The following CYRIA variants were observed in gnomAD, a reference collection of about 807,000 sequenced individuals.
CYRIA encodes CYFIP-related Rac1 interactor A.
A neutral mutation model predicts 43.9 loss-of-function variants in CYRIA; 15 were observed. That is an observed-to-expected ratio of 0.34 (90% confidence interval 0.23 to 0.53). The LOEUF (loss-of-function observed/expected upper bound fraction) is 0.53, where lower values mean the gene tolerates loss of function less well. CYRIA is among the 20% of genes least tolerant of loss of function. CYRIA has a pLI of 0.94. For missense variants in CYRIA, 236 were observed against 394.2 expected (o/e 0.60, Z 3.40); for synonymous variants, 117 against 136.0 (o/e 0.86, Z 0.97).
intron 1 of CYRIA, among the ~76,000 whole-genome samples, chr2:16,651,247 G>A (rs1171767947): frequency 6.6e-6 from 1 of 152,158 alleles, no homozygotes; most frequent in Non-Finnish European, 1.5e-5. Context: ...CACAGATGCT[G>A]TTTTCAAGCC....
intron 3 of CYRIA, among the ~76,000 whole-genome samples, chr2:16,571,471 C>T (rs1448984462): frequency 6.6e-6 from 1 of 152,204 alleles, no homozygotes; most frequent in Admixed American, 6.5e-5. Flanking sequence ...GCTATCAAAT[C>T]CATGTATTCT....
At chr2:16,647,807 G>T (rs892107971) in intron 1 of CYRIA, among the ~76,000 whole-genome samples, 5 of 152,192 alleles carry the variant, frequency 3.3e-5, no homozygotes, top group Non-Finnish European at 7.3e-5. Context: ...TCTTCCAGGT[G>T]TCTGCTAATC....
intron 2 of CYRIA, among the ~76,000 whole-genome samples, chr2:16,618,675 T>TA (rs772066511): frequency 1.6e-4 from 24 of 152,282 alleles, no homozygotes; most frequent in Non-Finnish European, 3.2e-4. Context: ...GAGGCATGGT[T>TA]AGGTTTAGAG....
chr2:16,603,198 T>A (rs1668268806), intron 2 of CYRIA, among the ~76,000 whole-genome samples: 1 of 152,136 alleles, frequency 6.6e-6, no homozygotes, highest in African/African-American at 2.4e-5. Flanking sequence ...GCCCTGCACA[T>A]CCCATCCCTA....
At chr2:16,570,639 G>A (rs1667096578) in intron 3 of CYRIA, among the ~76,000 whole-genome samples, 1 of 152,146 alleles carries the variant, frequency 6.6e-6, no homozygotes, top group African/African-American at 2.4e-5. Flanking sequence ...TGATTGAAAA[G>A]GTTACTAAAT....
chr2:16,586,218 A>G (rs1449373650), intron 3 of CYRIA, among the ~76,000 whole-genome samples: 2 of 152,132 alleles, frequency 1.3e-5, no homozygotes, highest in Non-Finnish European at 2.9e-5. Context: ...CGTTACCACT[A>G]TTTTGGCCTT....
intron 9 of CYRIA, 64 bp downstream of exon 9, chr2:16,560,926 A>T: frequency 7.2e-7 from 1 of 1,392,068 alleles, no homozygotes; most frequent in Non-Finnish European, 1.0e-6. Context: ...CATTAACATC[A>T]TCATCTTAAC....
At chr2:16,575,319 G>T (rs1237855399) in intron 3 of CYRIA, among the ~76,000 whole-genome samples, 1 of 152,154 alleles carries the variant, frequency 6.6e-6, no homozygotes, top group Non-Finnish European at 1.5e-5. Context: ...ATGCTGAAAT[G>T]AGTTAAGACT....
chr2:16,648,381 G>C (rs1435119270), intron 1 of CYRIA, among the ~76,000 whole-genome samples: 1 of 149,386 alleles, frequency 6.7e-6, no homozygotes, highest in Admixed American at 6.6e-5. Flanking sequence ...CAGCCCCAAA[G>C]AAAGACACAA....
intron 3 of CYRIA, among the ~76,000 whole-genome samples, chr2:16,574,765 A>T (rs1667269630): frequency 6.6e-6 from 1 of 152,178 alleles, no homozygotes; most frequent in Non-Finnish European, 1.5e-5. Context: ...ATTTCAGAAG[A>T]TGTATGAAAA....
intron 3 of CYRIA, among the ~76,000 whole-genome samples, chr2:16,570,434 A>T (rs1397891762): frequency 6.6e-6 from 1 of 152,162 alleles, no homozygotes; most frequent in East Asian, 1.9e-4. Flanking sequence ...ACACAGTGAA[A>T]AACTGCACTT....
At chr2:16,641,045 C>T (rs1669661372) in intron 1 of CYRIA, among the ~76,000 whole-genome samples, 1 of 152,112 alleles carries the variant, frequency 6.6e-6, no homozygotes, top group Non-Finnish European at 1.5e-5. Context: ...GAACTCTGAT[C>T]CTACAGTGCC....
chr2:16,580,848 T>C (rs148215829), intron 3 of CYRIA, among the ~76,000 whole-genome samples: 268 of 152,174 alleles, frequency 1.8e-3, no homozygotes, highest in Middle Eastern at 3.4e-3. Context: ...AATTAGCAAA[T>C]TTACAAAATG....
intron 3 of CYRIA, among the ~76,000 whole-genome samples, chr2:16,573,348 C>T (rs571781524): frequency 2.1e-4 from 32 of 152,188 alleles, no homozygotes; most frequent in Non-Finnish European, 3.1e-4. Context: ...AACCACCGGA[C>T]GACTGATTCT....
At chr2:16,612,963 T>C (rs948683574) in intron 2 of CYRIA, among the ~76,000 whole-genome samples, 1 of 152,228 alleles carries the variant, frequency 6.6e-6, no homozygotes, top group African/African-American at 2.4e-5. Context: ...GTTTTATAAA[T>C]GGGAGTTCCC....
chr2:16,657,843 G>C (rs1670157972), intron 1 of CYRIA, among the ~76,000 whole-genome samples: 1 of 152,136 alleles, frequency 6.6e-6, no homozygotes, highest in African/African-American at 2.4e-5. Flanking sequence ...CATTCATCTT[G>C]AGTGTAATAC....
chr2:16,662,071 T>G (rs978645381), intron 1 of CYRIA, among the ~76,000 whole-genome samples: 1 of 152,214 alleles, frequency 6.6e-6, no homozygotes, highest in African/African-American at 2.4e-5. Context: ...TTTGTTCTCC[T>G]TTGAAAAAAA....
intron 1 of CYRIA, among the ~76,000 whole-genome samples, chr2:16,634,489 A>C (rs1253656677): frequency 6.6e-6 from 1 of 152,244 alleles, no homozygotes; most frequent in Non-Finnish European, 1.5e-5. Flanking sequence ...CTAAGACCAG[A>C]GGTATCCCAT....
chr2:16,559,581 T>C lies in CYRIA; in HGVS notation c.716A>G (p.Tyr239Cys). The C allele has an allele frequency of 6.2e-7, 1 of 1,612,104 alleles. No individual in the cohort carries two copies. The highest frequency in any genetic ancestry group is 1.1e-5 in the South Asian group (1 of 90,816). ...CTCTTCACTCGTAAACCTACTTCTGTACTCCCTGCAAGAGAAGAAACAGCA... is the reference window on the plus strand; with the variant it reads ...CTCTTCACTCGTAAACCTACTTCTGCACTCCCTGCAAGAGAAGAAACAGCA... ...VCKVMLETPE[Y>C]RSRFTSEETL... Residue 239 changes from tyrosine (Y) to cysteine (C), a missense_variant, in exon 10 of 12, where the codon TAC becomes TGC. By Grantham distance (194) the Tyr-to-Cys change is radical (BLOSUM62 -2). Coordinates refer to ENST00000381323, the MANE Select transcript of CYRIA (RefSeq NM_030797.4).
Sources: allele counts gnomAD v4.1 joint callset (sites outside exome capture counted in the v4.1 genomes callset), GRCh38; gene constraint gnomAD v4.1.1; transcripts MANE v1.5; gene names NCBI Gene and HGNC (gene_info 2026-07-23, HGNC 2026-07-21).